The following MYLK variants were observed in gnomAD, a reference collection of about 807,000 sequenced individuals.
The protein encoded by MYLK is myosin light chain kinase, also known as myosin light chain kinase, smooth muscle.
A neutral mutation model predicts 203.4 loss-of-function variants in MYLK; 106 were observed. The observed-to-expected ratio is 0.52, with a 90% CI of 0.45 to 0.61. The LOEUF is 0.61. Ranked by LOEUF, MYLK falls within the 20% of genes least tolerant of loss-of-function variation. The pLI is 0.00. For synonymous variants in MYLK, 867 were observed against 959.5 expected (o/e 0.90, Z 1.78); for missense variants, 2,072 against 2,442.3 (o/e 0.85, Z 3.20).
chr3:123,675,354 C>T (rs2060039683), intron 20 of MYLK, among the ~76,000 whole-genome samples: 1 of 152,180 alleles, frequency 6.6e-6, no homozygotes, highest in African/African-American at 2.4e-5. Flanking sequence ...CCAGCTGACC[C>T]AAGCCCTAAC....
At chr3:123,649,699 T>A (rs2059144268) in intron 24 of MYLK, among the ~76,000 whole-genome samples, 1 of 152,184 alleles carries the variant, frequency 6.6e-6, no homozygotes, top group South Asian at 2.1e-4. Context: ...GAAGGCATGG[T>A]CTCTCCTTTC....
intron 1 of MYLK, among the ~76,000 whole-genome samples, chr3:123,880,605 AG>A (rs1450015712): frequency 6.9e-6 from 1 of 145,720 alleles, no homozygotes; most frequent in African/African-American, 2.5e-5. Context: ...AGAGGGTGGA[AG>A]GGGGGCAAGG....
At chr3:123,803,007 G>A (rs2065247631) in intron 3 of MYLK, among the ~76,000 whole-genome samples, 1 of 146,588 alleles carries the variant, frequency 6.8e-6, no homozygotes, top group Non-Finnish European at 1.5e-5. Context: ...AACCCTATGA[G>A]ATGAGGTGTG....
rs529831186 is a variant in MYLK, at chr3:123,680,416, T to C, written c.3652+1808A>G. On this transcript the variant is annotated intron_variant, in intron 20 of 33. Transcript: ENST00000360304. The stretch of plus-strand genomic sequence containing the variant: ...AATTCACAGCCCCTGGTGCCCTTCC[T>C]ACATTCTCTATCTCTTCTGCTCACG... Among the ~76,000 whole-genome samples, 13 of 152,316 alleles carry C rather than the reference T, an allele frequency of 8.5e-5. No homozygotes were observed. In the South Asian group the frequency reaches 2.7e-3, roughly 32 times the overall value.
chr3:123,629,325 C>T lies in MYLK; in HGVS notation c.5114+149G>A, dbSNP rs1338339378. On this transcript the variant is annotated intron_variant, in intron 30 of 33. Transcript: ENST00000360304. This position sits in a 1 kb window ranked among gnomAD's most constrained non-coding sequence, Gnocchi z 4.4. Reference sequence around the variant, plus strand: ...ACCCACATGCATTCGGGTCTCTTACCATGCCCACCCTCCCTTCCTCAGGGA... The same window carrying T: ...ACCCACATGCATTCGGGTCTCTTACTATGCCCACCCTCCCTTCCTCAGGGA... 11 of 957,926 alleles carry T rather than the reference C, an allele frequency of 1.1e-5. No individual in the cohort carries two copies. Among genetic ancestry groups the T allele is most frequent in the Non-Finnish European group, 1.7e-5 (11 of 634,000 alleles). The allele number at this position is 957,926 out of a possible 1,614,324, so 59.3% of individuals were successfully genotyped here.
chr3:123,657,340 A>G lies in MYLK; in HGVS notation c.4074T>C (p.Asp1358=). 3.1e-6 allele frequency: 5 copies of G among 1,614,090 alleles called. No individual in the cohort carries two copies. Among genetic ancestry groups the G allele is most frequent in the Non-Finnish European group, 4.2e-6 (5 of 1,180,014 alleles). ...LTLSWYGSSY[D]GGSAVQSYSI... is the part of the protein sequence containing the mutation. ...TGTAGGACTGTACAGCACTGCCCCC[A>G]TCATATGAGGAGCCATACCAGGACA... is the stretch of plus-strand genomic sequence containing the variant. The change falls in exon 24 of 34, where the codon GAT becomes GAC. Residue 1358 remains aspartate, a synonymous_variant. Coordinates refer to ENST00000360304, the MANE Select transcript of MYLK (RefSeq NM_053025.4).
chr3:123,792,005 T>C (rs1053524034), intron 4 of MYLK, among the ~76,000 whole-genome samples: 2 of 152,148 alleles, frequency 1.3e-5, no homozygotes, highest in Non-Finnish European at 2.9e-5. Context: ...CTTAGCCACA[T>C]AGAAGGCATG....
intron 2 of MYLK, chr3:123,835,878 T>G (rs1458028094): frequency 6.6e-6 from 1 of 152,240 alleles, no homozygotes; most frequent in African/African-American, 2.4e-5. Flanking sequence ...CTTGTTTGAC[T>G]GTAGGTCATA....
In MYLK at chr3:123,626,302, G is replaced by A. The variant is rs189837670; in HGVS notation, c.5238+516C>T. ...TGAAGTTGGTACCACTATTATCCCC[G>A]CTTTATAGATGAGAAAAATCCACAG... On this transcript the variant is annotated intron_variant, in intron 31 of 33. Coordinates refer to ENST00000360304, the MANE Select transcript of MYLK (RefSeq NM_053025.4). Among the ~76,000 whole-genome samples the A allele has an allele frequency of 9.2e-5, 14 of 152,230 alleles. No homozygotes were observed. In the East Asian group the frequency reaches 9.6e-4, roughly 10 times the overall value.
At chr3:123,744,124 A>G (rs887054944) in intron 5 of MYLK, among the ~76,000 whole-genome samples, 5 of 152,218 alleles carry the variant, frequency 3.3e-5, no homozygotes, top group African/African-American at 1.2e-4. Flanking sequence ...ATTCCCTTCT[A>G]ATCACACATA....
chr3:123,745,207 A>ACTGGGAAAAGATTCTTGCTGTGAAGC (rs2062979167), intron 5 of MYLK, among the ~76,000 whole-genome samples: 1 of 152,100 alleles, frequency 6.6e-6, no homozygotes, highest in Non-Finnish European at 1.5e-5. Flanking sequence ...ACTGTGAGGA[A>ACTGGGAAAAGATTCTTGCTGTGAAGC]CTGGGAAAAG....
intron 20 of MYLK, chr3:123,681,863 G>A: frequency 2.9e-6 from 1 of 344,488 alleles, no homozygotes; most frequent in Non-Finnish European, 5.6e-6. Flanking sequence ...TCCAGAAAGA[G>A]CCCCTGGGAG....
chr3:123,802,566 C>A (rs2065233001), intron 3 of MYLK, among the ~76,000 whole-genome samples: 1 of 152,202 alleles, frequency 6.6e-6, no homozygotes, highest in East Asian at 1.9e-4. Flanking sequence ...TTTAAATTTT[C>A]TTAAAAGGGG....
chr3:123,732,797 G>T, intron 11 of MYLK, 99 bp downstream of exon 11: 3 of 1,192,818 alleles, frequency 2.5e-6, no homozygotes, highest in Admixed American at 1.9e-5. Context: ...GTGCACCAAG[G>T]CAGGGGGCTA....
chr3:123,686,666 C>T (rs2060469135), intron 19 of MYLK, among the ~76,000 whole-genome samples: 1 of 152,164 alleles, frequency 6.6e-6, no homozygotes, highest in Admixed American at 6.5e-5. Flanking sequence ...AGTTCCTGAA[C>T]TTTTCTGAGT....
At chr3:123,803,963 G>C (rs763272141) in intron 3 of MYLK, among the ~76,000 whole-genome samples, 8 of 152,076 alleles carry the variant, frequency 5.3e-5, no homozygotes, top group Non-Finnish European at 1.0e-4. Flanking sequence ...GGGGAAAAAG[G>C]AGAAAAAGAG....
At chr3:123,785,187 C>A (rs2064464763) in intron 4 of MYLK, among the ~76,000 whole-genome samples, 1 of 152,196 alleles carries the variant, frequency 6.6e-6, no homozygotes, top group African/African-American at 2.4e-5. Context: ...CACTAATGTC[C>A]CTCTCACGTT....
chr3:123,664,806 C>G (rs576603472), intron 22 of MYLK, among the ~76,000 whole-genome samples: 95 of 152,262 alleles, frequency 6.2e-4, no homozygotes, highest in Non-Finnish European at 1.3e-3. Flanking sequence ...AGTACTGATT[C>G]ATGTTACAAT....
In MYLK at chr3:123,700,655, A is replaced by G; in HGVS notation, c.2813T>C (p.Val938Ala). The stretch of plus-strand genomic sequence containing the variant: ...GTGCACCTTCCTCTCTTCCTCAGAC[A>G]CAGTCTTTGGCTTCACTTGCCGCTG... Reference protein sequence around the residue: ...NLQRQVKPKTVSEEERKVHSP... With the variant: ...NLQRQVKPKTASEEERKVHSP... Residue 938 changes from valine to alanine, a missense_variant, in exon 18 of 34, where the codon GTG (valine) becomes GCG (alanine). Physicochemically the swap from Val to Ala is moderately conservative, Grantham distance 64. Around this residue, in one of 3 missense-constraint regions of MYLK, gnomAD observed 865 missense variants for 1,016.0 expected, o/e 0.85. Transcript: ENST00000360304. 1 of 1,614,088 alleles carries G rather than the reference A, an allele frequency of 6.2e-7. No individual in the cohort carries two copies. Among genetic ancestry groups the G allele is most frequent in the Non-Finnish European group, 8.5e-7 (1 of 1,180,026 alleles).
Sources: allele counts gnomAD v4.1 joint callset (sites outside exome capture counted in the v4.1 genomes callset), GRCh38; gene constraint gnomAD v4.1.1; regional missense constraint gnomAD v4.1.1; non-coding constraint Gnocchi (gnomAD v3.1); transcripts MANE v1.5; gene names NCBI Gene and HGNC (gene_info 2026-07-23, HGNC 2026-07-21).